The following DOK5 variants were observed in gnomAD, a reference collection of about 807,000 sequenced individuals.
The protein encoded by DOK5 is docking protein 5.
In DOK5, 27 loss-of-function variants were observed where a neutral mutation model predicts 43.3. The observed-to-expected ratio is 0.62, with a 90% CI of 0.46 to 0.86. The LOEUF (loss-of-function observed/expected upper bound fraction) is 0.86. Among genes scored for constraint, DOK5 ranks in the 40% least tolerant of loss-of-function variants. DOK5 has a pLI of 0.00. For missense variants in DOK5, 373 were observed against 392.9 expected (o/e 0.95, Z 0.43); for synonymous variants, 146 against 140.1 (o/e 1.04, Z -0.30).
At chr20:54,561,324 T>G (rs2146736064) in intron 2 of DOK5, among the ~76,000 whole-genome samples, 1 of 152,340 alleles carries the variant, frequency 6.6e-6, no homozygotes, top group East Asian at 1.9e-4. Flanking sequence ...GATTTCTAGT[T>G]GGAGACAAGG....
At chr20:54,512,452 T>A (rs551948428) in intron 1 of DOK5, among the ~76,000 whole-genome samples, 33 of 152,286 alleles carry the variant, frequency 2.2e-4, no homozygotes, top group Middle Eastern at 3.4e-3. Context: ...TGTGATTTTT[T>A]TCTCATATTG....
chr20:54,625,677 A>G (rs1987111636), intron 6 of DOK5, among the ~76,000 whole-genome samples: 1 of 152,182 alleles, frequency 6.6e-6, no homozygotes, highest in Admixed American at 6.5e-5. Context: ...ATTAGTTCAC[A>G]ACTTGCCAGG....
intron 1 of DOK5, among the ~76,000 whole-genome samples, chr20:54,517,105 T>C (rs1983222742): frequency 6.6e-6 from 1 of 152,230 alleles, no homozygotes; most frequent in African/African-American, 2.4e-5. Context: ...CCTAAGGAAT[T>C]AGCAGAGCTG....
intron 1 of DOK5, among the ~76,000 whole-genome samples, chr20:54,522,764 C>T (rs759071174): frequency 2.6e-5 from 4 of 152,114 alleles, no homozygotes; most frequent in African/African-American, 9.7e-5. Context: ...ATCCACTTAC[C>T]TCGGCCTCCC....
At chr20:54,595,279 G>T (rs929273824) in intron 5 of DOK5, among the ~76,000 whole-genome samples, 1 of 152,106 alleles carries the variant, frequency 6.6e-6, no homozygotes. Context: ...GGCGGAGCTT[G>T]CAGTGAGCTG....
At chr20:54,605,127 A>AC (rs1430829611) in intron 5 of DOK5, among the ~76,000 whole-genome samples, 3 of 151,352 alleles carry the variant, frequency 2.0e-5, no homozygotes, top group African/African-American at 4.9e-5. Flanking sequence ...ACACACACAC[A>AC]AACACACACA....
chr20:54,516,144 C>A (rs529126850), intron 1 of DOK5, among the ~76,000 whole-genome samples: 1 of 152,288 alleles, frequency 6.6e-6, no homozygotes, highest in South Asian at 2.1e-4. Context: ...TATAATTCCT[C>A]AAGTGGGCAG....
At chr20:54,645,609 C>G (rs1979375905) in intron 7 of DOK5, among the ~76,000 whole-genome samples, 1 of 152,086 alleles carries the variant, frequency 6.6e-6, no homozygotes, top group Non-Finnish European at 1.5e-5. Flanking sequence ...GCCCTCAGGA[C>G]TTTCTTGTAA....
intron 5 of DOK5, among the ~76,000 whole-genome samples, chr20:54,594,637 T>G (rs953607825): frequency 1.2e-4 from 18 of 152,246 alleles, no homozygotes; most frequent in African/African-American, 4.1e-4. Flanking sequence ...TCTTTGGATC[T>G]GTTTTGGGCA....
At chr20:54,499,411 A>G (rs1982511514) in intron 1 of DOK5, among the ~76,000 whole-genome samples, 1 of 152,164 alleles carries the variant, frequency 6.6e-6, no homozygotes, top group Non-Finnish European at 1.5e-5. Context: ...TGTCCATGCT[A>G]GTTCTGTTAC....
At chr20:54,530,346 C>A (rs1000202734) in intron 1 of DOK5, among the ~76,000 whole-genome samples, 1 of 152,158 alleles carries the variant, frequency 6.6e-6, no homozygotes, top group African/African-American at 2.4e-5. Flanking sequence ...AAGCAACCTG[C>A]AAAGCTGTTT....
At chr20:54,490,228 C>T (rs6014033) in intron 1 of DOK5, among the ~76,000 whole-genome samples, 1,660 of 152,028 alleles carry the variant, frequency 0.011, 14 homozygotes, top group Non-Finnish European at 0.018. Context: ...AATCTTTTAC[C>T]TAAAAGATAG....
chr20:54,546,178 A>G (rs1331379932), intron 1 of DOK5, among the ~76,000 whole-genome samples: 1 of 152,234 alleles, frequency 6.6e-6, no homozygotes, highest in Non-Finnish European at 1.5e-5. Flanking sequence ...AGGAATAATA[A>G]TAGAATCTGC....
chr20:54,512,756 T>C (rs1344850555), intron 1 of DOK5, among the ~76,000 whole-genome samples: 2 of 152,228 alleles, frequency 1.3e-5, no homozygotes, highest in Non-Finnish European at 2.9e-5. Flanking sequence ...CCTCAGTCAC[T>C]ACATAGCTGC....
chr20:54,565,963 A>C (rs1232773084), intron 2 of DOK5, among the ~76,000 whole-genome samples: 1 of 147,880 alleles, frequency 6.8e-6, no homozygotes, highest in Non-Finnish European at 1.5e-5. Context: ...GGCTGCAGTG[A>C]GTGGAGATCA....
intron 6 of DOK5, among the ~76,000 whole-genome samples, chr20:54,630,685 C>G (rs1449998250): frequency 2.6e-5 from 4 of 152,136 alleles, no homozygotes; most frequent in Non-Finnish European, 5.9e-5. Context: ...AAAGATTTAC[C>G]TTTTCTCTTC....
chr20:54,626,571 G>A (rs1208275640), intron 6 of DOK5, among the ~76,000 whole-genome samples: 1 of 151,944 alleles, frequency 6.6e-6, no homozygotes, highest in Non-Finnish European at 1.5e-5. Context: ...TCCCCCTCCT[G>A]TCTCTTTATT....
At chr20:54,491,385 C>G (rs1468841760) in intron 1 of DOK5, among the ~76,000 whole-genome samples, 1 of 152,156 alleles carries the variant, frequency 6.6e-6, no homozygotes, top group African/African-American at 2.4e-5. Context: ...TACTCATATT[C>G]ATATATGTCA....
At chr20:54,497,972 T>C (rs1310118754) in intron 1 of DOK5, among the ~76,000 whole-genome samples, 1 of 152,188 alleles carries the variant, frequency 6.6e-6, no homozygotes, top group Non-Finnish European at 1.5e-5. Flanking sequence ...TCTATTTAAG[T>C]TAAAATATTT....
Sources: allele counts gnomAD v4.1 joint callset (sites outside exome capture counted in the v4.1 genomes callset), GRCh38; gene constraint gnomAD v4.1.1; transcripts MANE v1.5; gene names NCBI Gene and HGNC (gene_info 2026-07-23, HGNC 2026-07-21).